ANKRD11: variants seen among roughly 807,000 people sequenced by gnomAD.
ANKRD11 encodes the protein ankyrin repeat domain 11, also known as ankyrin repeat domain-containing protein 11.
A neutral mutation model predicts 195.7 loss-of-function variants in ANKRD11; 17 were observed. That is an observed-to-expected ratio of 0.09 (90% confidence interval 0.06 to 0.13). The LOEUF is 0.13. Ranked by LOEUF, ANKRD11 falls within the 10% of genes least tolerant of loss-of-function variation. The pLI, the probability that ANKRD11 is intolerant of heterozygous loss-of-function variation, is 1.00. For synonymous variants in ANKRD11, 1,953 were observed against 1,528.1 expected, an observed-to-expected ratio of 1.28 and a Z score of -6.49; for missense variants, 3,735 against 3,566.1, an observed-to-expected ratio of 1.05 and a Z score of -1.21.
intron 1 of ANKRD11, among the ~76,000 whole-genome samples, chr16:89,456,103 G>C (rs905421641): frequency 6.6e-6 from 1 of 152,064 alleles, no homozygotes; most frequent in East Asian, 1.9e-4. Context: ...AGTCTGGTGT[G>C]GTGGCGTGCA....
At chr16:89,304,301 C>G (rs1005195164) in intron 4 of ANKRD11, among the ~76,000 whole-genome samples, 196 of 151,970 alleles carry the variant, frequency 1.3e-3, no homozygotes, top group African/African-American at 4.6e-3. Context: ...CATGGGCACA[C>G]AGGCACACAC....
At chr16:89,269,959 T>C (rs1367155990) in intron 12 of ANKRD11, 1 of 152,256 alleles carries the variant, frequency 6.6e-6, no homozygotes, top group East Asian at 1.9e-4. Context: ...CATGTGTCTT[T>C]ATGAAGCTTT....
intron 2 of ANKRD11, chr16:89,395,672 G>A (rs1055086301): frequency 3.3e-5 from 5 of 152,358 alleles, no homozygotes; most frequent in African/African-American, 1.2e-4. Context: ...TGTTTGAAAA[G>A]TTGTCAATAA....
At chr16:89,305,600 G>A (rs1178335532) in intron 3 of ANKRD11, among the ~76,000 whole-genome samples, 1 of 152,086 alleles carries the variant, frequency 6.6e-6, no homozygotes, top group Non-Finnish European at 1.5e-5. Flanking sequence ...TCAGGAAATC[G>A]CTGGTGTGTG....
intron 2 of ANKRD11, among the ~76,000 whole-genome samples, chr16:89,363,408 T>A (rs1332092296): frequency 6.6e-6 from 1 of 151,802 alleles, no homozygotes; most frequent in Non-Finnish European, 1.5e-5. Context: ...CACACCAACA[T>A]GGCACATGTA....
chr16:89,372,303 C>T (rs977882010), intron 2 of ANKRD11, among the ~76,000 whole-genome samples: 2 of 152,188 alleles, frequency 1.3e-5, no homozygotes, highest in African/African-American at 2.4e-5. Flanking sequence ...CAGGCGGAGG[C>T]GGCGGCAGCG....
At chr16:89,355,506 A>C (rs903309101) in intron 2 of ANKRD11, among the ~76,000 whole-genome samples, 1 of 152,184 alleles carries the variant, frequency 6.6e-6, no homozygotes, top group African/African-American at 2.4e-5. Context: ...TCAGGGGTGA[A>C]CGTGGCCCCA....
intron 1 of ANKRD11, among the ~76,000 whole-genome samples, chr16:89,423,244 A>G (rs1265520812): frequency 6.6e-6 from 1 of 152,220 alleles, no homozygotes; most frequent in Non-Finnish European, 1.5e-5. Context: ...TATGCAAACA[A>G]TGATTTTCAT....
rs2151702131 is a variant in ANKRD11 at position 89,274,969 on chromosome 16, G to C, written c.7570-12C>G. The C allele has an allele frequency of 3.1e-6, 5 of 1,613,042 alleles. No individual in the cohort carries two copies. In the East Asian group the frequency reaches 6.7e-5, roughly 22 times the overall value. ...ACGATCAGCTTCTCCTGAAGGAGGAGAGGAGTAGAGTGAGCTGGGACACAG... is the reference window on the plus strand; with the variant it reads ...ACGATCAGCTTCTCCTGAAGGAGGACAGGAGTAGAGTGAGCTGGGACACAG... On this transcript the variant is annotated splice_polypyrimidine_tract_variant and intron_variant, in intron 10 of 12. Coordinates refer to ENST00000301030, the MANE Select transcript of ANKRD11 (RefSeq NM_013275.6).
At position 89,284,841 on chromosome 16, in the gene ANKRD11, G is replaced by A. The variant is rs971010932; in HGVS notation, c.1701C>T (p.Asp567=). 3.1e-6 allele frequency: 5 copies of A among 1,613,908 alleles called. No individual in the cohort carries two copies. In the African/African-American group the frequency reaches 6.7e-5, roughly 22 times the overall value. ...CGCTTGTCAGTCTCGTCCTTGTGGA[G>A]TCTGATAAAGAACTGACCTCTGACC... ...PAWSEVSSLS[D]STRTRLTSES... is the part of the protein sequence containing the mutation. The change falls in exon 9 of 13, where the codon GAC becomes GAT. Residue 567 remains aspartate (D), a synonymous_variant. Transcript: ENST00000301030.
intron 2 of ANKRD11, chr16:89,392,487 T>C (rs898487970): frequency 5.3e-5 from 8 of 152,126 alleles, no homozygotes; most frequent in Admixed American, 5.2e-4. Context: ...GTTTTGAAAA[T>C]GTCTCAATGG....
intron 9 of ANKRD11, 180 bp downstream of exon 9, chr16:89,278,892 G>C (rs531007002): frequency 9.6e-7 from 1 of 1,045,170 alleles, no homozygotes; most frequent in Non-Finnish European, 1.4e-6. Context: ...CAGAACAGCT[G>C]GGCAGCTTCC....
At chr16:89,441,539 G>A (rs570895618) in intron 1 of ANKRD11, among the ~76,000 whole-genome samples, 23 of 152,110 alleles carry the variant, frequency 1.5e-4, no homozygotes, top group Middle Eastern at 3.4e-3. Context: ...AGGCCAAGGC[G>A]GGCGGATCAC....
intron 1 of ANKRD11, among the ~76,000 whole-genome samples, chr16:89,434,239 G>A (rs1006923567): frequency 6.6e-6 from 1 of 152,140 alleles, no homozygotes; most frequent in African/African-American, 2.4e-5. Flanking sequence ...CTGTGTGTCT[G>A]GGGGTGAACT....
chr16:89,423,654 G>C (rs2042603448), intron 1 of ANKRD11, among the ~76,000 whole-genome samples: 1 of 152,176 alleles, frequency 6.6e-6, no homozygotes, highest in South Asian at 2.1e-4. Flanking sequence ...ATTACTAGAG[G>C]TCAAAAATGG....
chr16:89,415,654 C>T (rs928386071), intron 2 of ANKRD11, among the ~76,000 whole-genome samples: 1 of 150,446 alleles, frequency 6.6e-6, no homozygotes, highest in Non-Finnish European at 1.5e-5. Context: ...ACAGTGAAAC[C>T]CTATCTCTAC....
chr16:89,280,316 G>C lies in ANKRD11; in HGVS notation c.6226C>G (p.Pro2076Ala). 6.3e-7 allele frequency: 1 copy of C among 1,590,082 alleles called. No homozygotes were observed. The highest frequency in any genetic ancestry group is 8.6e-7 in the Non-Finnish European group (1 of 1,168,036). ...FSNCKSLPEA[P>A]LDVAPEPACV... is the part of the protein sequence containing the mutation. ...GCGGGCTCGGGGGCCACGTCCAGCGGGGCTTCCGGAAGTGACTTGCAGTTG... is the reference window on the plus strand; with the variant it reads ...GCGGGCTCGGGGGCCACGTCCAGCGCGGCTTCCGGAAGTGACTTGCAGTTG... The change falls in exon 9 of 13, where the codon CCG becomes GCG. Residue 2076 changes from proline to alanine, a missense_variant. Physicochemically the swap from Pro to Ala is conservative, Grantham distance 27. Transcript: ENST00000301030.
chr16:89,288,076 G>A, intron 7 of ANKRD11: 3 of 568,458 alleles, frequency 5.3e-6, no homozygotes, highest in South Asian at 2.4e-5. Flanking sequence ...TCCTGGGCCG[G>A]CCACAATGGC....
chr16:89,427,890 G>A (rs2042786399), intron 1 of ANKRD11, among the ~76,000 whole-genome samples: 1 of 151,962 alleles, frequency 6.6e-6, no homozygotes. Flanking sequence ...GCACTGATTT[G>A]ACAGTTTTTT....
Sources: gnomAD v4.1 joint callset for allele counts (sites outside exome capture counted in the v4.1 genomes callset) on GRCh38, gnomAD v4.1.1 for gene constraint, MANE v1.5 for transcripts, NCBI Gene and HGNC (gene_info 2026-07-23, HGNC 2026-07-21) for gene names.